NCOR2: variants seen among roughly 807,000 people sequenced by gnomAD.
NCOR2 encodes nuclear receptor corepressor 2, also known as CTG repeat protein 26.
A neutral mutation model predicts 262.9 loss-of-function variants in NCOR2; 81 were observed. The ratio of observed to expected loss-of-function variants is 0.31; its 90% CI spans 0.26 to 0.37. The LOEUF is 0.37. Among genes scored for constraint, NCOR2 ranks in the 10% least tolerant of loss-of-function variants. The probability of loss-of-function intolerance (pLI) is 1.00; values close to 1 mark genes in which losing one functional copy is unlikely to be tolerated. For missense variants in NCOR2, 3,385 were observed against 3,621.4 expected (o/e 0.93, Z 1.68); for synonymous variants, 1,659 against 1,559.3 (o/e 1.06, Z -1.51).
intron 38 of NCOR2, 135 bp from the exon 41 acceptor site, chr12:124,335,767 C>T (rs2035823601): frequency 3.0e-6 from 3 of 1,014,316 alleles, no homozygotes; most frequent in Admixed American, 2.9e-5. Flanking sequence ...GGTTTGGGCT[C>T]CCAAAGACAG....
chr12:124,519,089 T>TACACACACACACACACACACAC (rs57438929), intron 1 of NCOR2, among the ~76,000 whole-genome samples: 36 of 97,302 alleles, frequency 3.7e-4, no homozygotes, highest in Admixed American at 7.8e-4. Flanking sequence ...GGCCAAATAA[T>TACACACACACACACACACACAC]ACACACACAC....
At chr12:124,361,885 C>G (rs898717904) in intron 22 of NCOR2, among the ~76,000 whole-genome samples, 1 of 152,254 alleles carries the variant, frequency 6.6e-6, no homozygotes, top group African/African-American at 2.4e-5. Flanking sequence ...TGATTTGCCA[C>G]GGGGTGACTC....
intron 12 of NCOR2, among the ~76,000 whole-genome samples, chr12:124,421,986 C>A (rs897536991): frequency 6.6e-6 from 1 of 152,228 alleles, no homozygotes; most frequent in Non-Finnish European, 1.5e-5. Context: ...TGGGGACTTG[C>A]AGGCCACACG....
At chr12:124,455,698 C>G (rs930506507) in intron 6 of NCOR2, among the ~76,000 whole-genome samples, 5 of 152,220 alleles carry the variant, frequency 3.3e-5, no homozygotes, top group Non-Finnish European at 5.9e-5. Flanking sequence ...ACTAGGTGAG[C>G]CTTTAACAGG....
chr12:124,338,445 T>C (rs1169905275), intron 37 of NCOR2, among the ~76,000 whole-genome samples: 3 of 149,454 alleles, frequency 2.0e-5, no homozygotes, highest in Admixed American at 1.3e-4. Flanking sequence ...GAGGTGGAGG[T>C]TGCAGTAAGC....
chr12:124,325,388 C>CCCCCCCCCCCCA, exon 47 of NCOR2: 1 of 693,388 alleles, frequency 1.4e-6, no homozygotes, highest in Non-Finnish European at 2.0e-6. Flanking sequence ...CCCCCCCCCC[C>CCCCCCCCCCCCA]GCCCTGTTCT....
At chr12:124,414,356 T>C (rs769484091) in intron 13 of NCOR2, among the ~76,000 whole-genome samples, 20 of 152,216 alleles carry the variant, frequency 1.3e-4, no homozygotes, top group Non-Finnish European at 2.8e-4. Context: ...TGTGTGGCGA[T>C]AGTGCTGCAT....
At chr12:124,422,953 T>C (rs2043308082) in intron 11 of NCOR2, among the ~76,000 whole-genome samples, 3 of 152,136 alleles carry the variant, frequency 2.0e-5, no homozygotes, top group Admixed American at 2.0e-4. Context: ...CAGGGTCTGC[T>C]TGGGAACATG....
intron 8 of NCOR2, among the ~76,000 whole-genome samples, chr12:124,435,635 A>C (rs951117222): frequency 6.6e-6 from 1 of 152,130 alleles, no homozygotes; most frequent in Non-Finnish European, 1.5e-5. Flanking sequence ...GCCCCAGCTA[A>C]GCCCCTCACC....
chr12:124,449,199 G>A (rs913263720), intron 7 of NCOR2, among the ~76,000 whole-genome samples: 4 of 152,070 alleles, frequency 2.6e-5, no homozygotes, highest in East Asian at 1.9e-4. Context: ...CTCCAGCACC[G>A]CCTCACCCAA....
In NCOR2 at chr12:124,377,916, G is replaced by C. The variant is rs73421928; in HGVS notation, c.2167+321C>G. 1.9e-3 allele frequency among the ~76,000 whole-genome samples: 293 copies of C among 152,070 alleles called. 2 individuals are homozygous for C. Among genetic ancestry groups the C allele is most frequent in the African/African-American group, 6.4e-3 (266 of 41,478 alleles). On this transcript the variant is annotated intron_variant, in intron 18 of 46. Transcript: ENST00000405201. ...GTGACATCGGATGGGGTGAAAGACA[G>C]CAGGCACCCACAGGGCTGGCCTGGA...
intron 1 of NCOR2, among the ~76,000 whole-genome samples, chr12:124,510,044 T>C (rs1356604354): frequency 2.0e-5 from 3 of 152,336 alleles, no homozygotes; most frequent in East Asian, 1.9e-4. Context: ...AGGCATTGTC[T>C]GCAGCCAGGA....
intron 17 of NCOR2, among the ~76,000 whole-genome samples, chr12:124,379,319 G>A (rs1165378775): frequency 6.6e-6 from 1 of 152,212 alleles, no homozygotes; most frequent in Non-Finnish European, 1.5e-5. Context: ...CCCCAGCTTA[G>A]GCACCATCAT....
intron 6 of NCOR2, among the ~76,000 whole-genome samples, chr12:124,456,594 T>C (rs1325108970): frequency 6.6e-6 from 1 of 152,172 alleles, no homozygotes; most frequent in African/African-American, 2.4e-5. Context: ...TGGAAAAATA[T>C]TAACACAGCT....
chr12:124,409,278 T>A (rs1451979153), intron 13 of NCOR2, among the ~76,000 whole-genome samples: 2 of 152,196 alleles, frequency 1.3e-5, no homozygotes, highest in Non-Finnish European at 2.9e-5. Flanking sequence ...CCCACCTCCC[T>A]CAGGGCAGCT....
At chr12:124,477,444 G>C (rs1194907747) in intron 3 of NCOR2, among the ~76,000 whole-genome samples, 2 of 152,178 alleles carry the variant, frequency 1.3e-5, no homozygotes, top group African/African-American at 2.4e-5. Flanking sequence ...CCTGTCTCGG[G>C]TATGTCTTTA....
Position 124,504,300 on chromosome 12 carries a change from G to A in NCOR2, c.-117-8932C>T, listed in dbSNP as rs1420326370. On this transcript the variant is annotated intron_variant, in intron 1 of 46. Transcript: ENST00000404621. This position sits in a 1 kb window ranked among gnomAD's most constrained non-coding sequence, Gnocchi z 4.5. ...GTCAGGTCCCAGACTTGCTCCCTCTGGGCAGTTTCCTGGGACTTGCTTCCT... is the reference window on the plus strand; with the variant it reads ...GTCAGGTCCCAGACTTGCTCCCTCTAGGCAGTTTCCTGGGACTTGCTTCCT... Among the ~76,000 whole-genome samples, 1 of 152,178 alleles carries A rather than the reference G, an allele frequency of 6.6e-6. No homozygotes were observed. Among genetic ancestry groups the A allele is most frequent in the Non-Finnish European group, 1.5e-5 (1 of 68,034 alleles).
rs2048313641 is a variant in NCOR2 at position 124,495,094 on chromosome 12, T to C, written c.105+53A>G. ...AGGAAGGGGTGAAGACTCAGTGGAA[T>C]GGAAGAAGGGTCTCAAAGGTAGCCC... On this transcript the variant is annotated intron_variant, in intron 1 of 46. Coordinates refer to ENST00000405201, the Ensembl canonical transcript of NCOR2. The surrounding 1 kb of genome is among the most constrained non-coding windows in gnomAD (Gnocchi z 4.4). The C allele has an allele frequency of 2.5e-6, 4 of 1,593,360 alleles. No individual in the cohort carries two copies. The highest frequency in any genetic ancestry group is 2.3e-5 in the East Asian group (1 of 44,194).
Position 124,454,027 on chromosome 12 carries a change from C to T in NCOR2, c.762+3079G>A, listed in dbSNP as rs996300237. 3.3e-5 allele frequency among the ~76,000 whole-genome samples: 5 copies of T among 152,218 alleles called. No homozygotes were observed. Among genetic ancestry groups the T allele is most frequent in the South Asian group, 4.1e-4 (2 of 4,836 alleles). ...ACAGCACCTCAGGCCGTCCCTGGCC[C>T]GGGCTTCTGGCACCCAGTTGGTAGA... On this transcript the variant is annotated intron_variant, in intron 6 of 46. Transcript: ENST00000405201. The surrounding 1 kb of genome is among the most constrained non-coding windows in gnomAD (Gnocchi z 5.6).
Sources: allele counts gnomAD v4.1 joint callset (sites outside exome capture counted in the v4.1 genomes callset), GRCh38; gene constraint gnomAD v4.1.1; non-coding constraint Gnocchi (gnomAD v3.1); transcripts MANE v1.5; gene names NCBI Gene and HGNC (gene_info 2026-07-23, HGNC 2026-07-21).